The following TRPV2 variants were observed in gnomAD, a reference collection of about 807,000 sequenced individuals.
The protein encoded by TRPV2 is OTRPC2.
A neutral mutation model predicts 91.0 loss-of-function variants in TRPV2; 58 were observed. The observed-to-expected ratio is 0.64, with a 90% CI of 0.52 to 0.79. The LOEUF (loss-of-function observed/expected upper bound fraction) is 0.79, where lower values mean the gene tolerates loss of function less well. Ranked by LOEUF, TRPV2 falls within the 30% of genes least tolerant of loss-of-function variation. The pLI is 0.00. For missense variants in TRPV2, 807 were observed against 969.6 expected (o/e 0.83, Z 2.23); for synonymous variants, 417 against 414.8 (o/e 1.01, Z -0.06).
chr17:16,422,047 G>A (rs1331564018), intron 3 of TRPV2, among the ~76,000 whole-genome samples: 1 of 151,408 alleles, frequency 6.6e-6, no homozygotes, highest in Non-Finnish European at 1.5e-5. Context: ...GCTCACGCCT[G>A]TAATCCCAGC....
chr17:16,433,418 C>G (rs1222676926), intron 12 of TRPV2, 156 bp from the exon 13 acceptor site: 2 of 1,087,448 alleles, frequency 1.8e-6, no homozygotes, highest in Non-Finnish European at 2.6e-6. Flanking sequence ...ACACAGGTAA[C>G]CGGATGTTGG....
chr17:16,433,429 A>G, intron 12 of TRPV2, 145 bp from the exon 13 acceptor site: 1 of 1,197,494 alleles, frequency 8.4e-7, no homozygotes, highest in South Asian at 1.4e-5. Context: ...CGGATGTTGG[A>G]GCCAGATTCG....
chr17:16,421,517 C>T (rs60830048), intron 3 of TRPV2, among the ~76,000 whole-genome samples: 5,775 of 147,576 alleles, frequency 0.039, 344 homozygotes, highest in African/African-American at 0.14. Flanking sequence ...CCGCGCCTGG[C>T]CATTTTTTTT....
intron 13 of TRPV2, chr17:16,434,564 G>A (rs1318443996): frequency 7.2e-6 from 2 of 279,446 alleles, no homozygotes; most frequent in Non-Finnish European, 1.3e-5. Flanking sequence ...GGCATGAGGA[G>A]CAGCCATGAT....
Position 16,426,997 on chromosome 17 carries a change from T to C in TRPV2, c.1251+120T>C, listed in dbSNP as rs938781106. The C allele has an allele frequency of 1.7e-6, 2 of 1,177,968 alleles. No homozygotes were observed. Among genetic ancestry groups the C allele is most frequent in the East Asian group, 2.4e-5 (1 of 42,172 alleles). The allele number at this position is 1,177,968 out of a possible 1,614,324, so 73.0% of individuals were successfully genotyped here. A position where few individuals can be genotyped will look rare whatever the true frequency, so the allele number is the denominator to read the frequency against. Reference sequence around the variant, plus strand: ...GCTGCTGGAGTGACATTCCCAAGCTTATGGGAGCCAGCACTGCAGTACTAA... The same window carrying C: ...GCTGCTGGAGTGACATTCCCAAGCTCATGGGAGCCAGCACTGCAGTACTAA... On this transcript the variant is annotated intron_variant, in intron 7 of 14. Transcript: ENST00000338560. This position sits in a 1 kb window ranked among gnomAD's most constrained non-coding sequence, Gnocchi z 6.0.
intron 2 of TRPV2, 133 bp downstream of exon 2, chr17:16,418,001 T>A: frequency 2.3e-6 from 2 of 873,580 alleles, no homozygotes; most frequent in Non-Finnish European, 3.5e-6. Context: ...AGTCTGGCCC[T>A]GGTGGCTCCT....
chr17:16,428,627 A>C (rs1210409933), intron 9 of TRPV2, 190 bp from the exon 10 acceptor site: 2 of 710,770 alleles, frequency 2.8e-6, no homozygotes, highest in Admixed American at 2.8e-5. Context: ...TGTTTCACTT[A>C]GTCCTTGAAA....
At position 16,423,461 on chromosome 17, in the gene TRPV2, G is replaced by A. The variant is rs1173007784; in HGVS notation, c.626-8G>A. The A allele has an allele frequency of 6.3e-7, 1 of 1,591,350 alleles. No individual in the cohort carries two copies. The highest frequency in any genetic ancestry group is 8.6e-7 in the Non-Finnish European group (1 of 1,166,672). On this transcript the variant is annotated splice_polypyrimidine_tract_variant and splice_region_variant and intron_variant, in intron 4 of 14. Coordinates refer to ENST00000338560, the MANE Select transcript of TRPV2 (RefSeq NM_016113.5). ...GCCTGGGGCCCAAGCTGCTCTCTTG[G>A]CCTGCAGGTGAGCTACCCCTCTCTT... is the stretch of plus-strand genomic sequence containing the variant.
intron 10 of TRPV2, 125 bp downstream of exon 10, chr17:16,429,107 C>G: frequency 3.7e-6 from 4 of 1,090,678 alleles, no homozygotes; most frequent in Non-Finnish European, 5.2e-6. Context: ...CACTCAGATG[C>G]TTGCTGGATG....
intron 10 of TRPV2, among the ~76,000 whole-genome samples, chr17:16,431,398 A>G (rs1466707641): frequency 2.7e-5 from 4 of 146,746 alleles, no homozygotes; most frequent in African/African-American, 1.0e-4. Context: ...GGTTCAAGTG[A>G]TTCTCCTGCC....
intron 10 of TRPV2, 146 bp downstream of exon 10, chr17:16,429,128 T>A: frequency 1.1e-6 from 1 of 901,258 alleles, no homozygotes. Context: ...GAAGCTTAAG[T>A]ACAGGCCTGC....
At chr17:16,422,463 T>C (rs2093362614) in intron 3 of TRPV2, 136 bp from the exon 4 acceptor site, 2 of 801,000 alleles carry the variant, frequency 2.5e-6, no homozygotes, top group Non-Finnish European at 3.9e-6. Flanking sequence ...ATGGTTGTGC[T>C]CCCACCAGTT....
Position 16,417,642 on chromosome 17 carries a change from T to C in TRPV2, c.-27T>C. ...TCTCCATCTGCACAGAGGTCCTGGC[T>C]GGACCGAGCAGCCTCCTCCTCCTAG... On this transcript the variant is annotated 5_prime_UTR_variant, in exon 2 of 15. Coordinates refer to ENST00000338560, the MANE Select transcript of TRPV2 (RefSeq NM_016113.5). 6.2e-7 allele frequency: 1 copy of C among 1,612,772 alleles called. No homozygotes were observed. The highest frequency in any genetic ancestry group is 8.5e-7 in the Non-Finnish European group (1 of 1,179,154).
intron 2 of TRPV2, chr17:16,419,360 C>T (rs1568903491): frequency 2.1e-6 from 1 of 470,948 alleles, no homozygotes; most frequent in Non-Finnish European, 4.4e-6. Flanking sequence ...GGTGTGCCTT[C>T]TTGGTGGTGT....
chr17:16,429,941 T>C (rs2093402017), intron 10 of TRPV2, among the ~76,000 whole-genome samples: 1 of 151,726 alleles, frequency 6.6e-6, no homozygotes, highest in African/African-American at 2.4e-5. Flanking sequence ...CTCAGCTCAC[T>C]GCAAACCCCT....
chr17:16,418,335 T>C (rs185448707), intron 2 of TRPV2, among the ~76,000 whole-genome samples: 205 of 152,246 alleles, frequency 1.3e-3, no homozygotes, highest in African/African-American at 4.7e-3. Flanking sequence ...AGGCTTCTGC[T>C]TGGAGTCATC....
chr17:16,423,701 T>C lies in TRPV2; in HGVS notation c.858T>C (p.Leu286=), dbSNP rs772885571. Residue 286 remains leucine (L), a synonymous_variant, in exon 5 of 15, where the codon CTT becomes CTC. Coordinates refer to ENST00000338560, the MANE Select transcript of TRPV2 (RefSeq NM_016113.5). The part of the protein sequence containing the change: ...AGARLCPTVQ[L]EDIRNLQDLT... The stretch of plus-strand genomic sequence containing the variant: ...CCCGCCTCTGCCCTACCGTGCAGCT[T>C]GAGGACATCCGCAACCTGCAGGATC... 7 of 1,612,794 alleles carry C rather than the reference T, an allele frequency of 4.3e-6. No homozygotes were observed. In the African/African-American group the frequency reaches 9.3e-5, roughly 22 times the overall value.
At chr17:16,422,914 T>A in intron 4 of TRPV2, 25 bp downstream of exon 4, 1 of 1,548,964 alleles carries the variant, frequency 6.5e-7, no homozygotes, top group Non-Finnish European at 8.7e-7. Context: ...CTTGGATAAA[T>A]CGAGGCAAAG....
rs80060403 is a variant in TRPV2 at position 16,420,905 on chromosome 17, C to T, written c.334+657C>T. ...TGCTGGGATTACAGGTGTGAGCCAC[C>T]GCGCAGGGCCTATCCAGACTTTCTT... On this transcript the variant is annotated intron_variant, in intron 3 of 14. Transcript: ENST00000338560. 4.4e-3 allele frequency among the ~76,000 whole-genome samples: 668 copies of T among 152,256 alleles called. 4 individuals are homozygous for T. The highest frequency in any genetic ancestry group is 0.014 in the African/African-American group (574 of 41,554).
Sources: allele counts gnomAD v4.1 joint callset (sites outside exome capture counted in the v4.1 genomes callset), GRCh38; gene constraint gnomAD v4.1.1; non-coding constraint Gnocchi (gnomAD v3.1); transcripts MANE v1.5; gene names NCBI Gene and HGNC (gene_info 2026-07-23, HGNC 2026-07-21).